The following GET1 variants were observed in gnomAD, a reference collection of about 807,000 sequenced individuals.
GET1 encodes the protein guided entry of tail-anchored proteins factor 1.
A neutral mutation model predicts 22.6 loss-of-function variants in GET1; 20 were observed. The observed-to-expected ratio is 0.89, with a 90% CI of 0.62 to 1.29. The LOEUF is 1.29. GET1 is among the 50% of genes most tolerant of loss of function. The pLI, the probability that GET1 is intolerant of heterozygous loss-of-function variation, is 0.00. For synonymous variants in GET1, 92 were observed against 83.8 expected, an observed-to-expected ratio of 1.10 and a Z score of -0.53; for missense variants, 209 against 219.9, an observed-to-expected ratio of 0.95 and a Z score of 0.31.
At chr21:39,382,574 G>A (rs2037621748) in intron 1 of GET1, among the ~76,000 whole-genome samples, 1 of 152,210 alleles carries the variant, frequency 6.6e-6, no homozygotes, top group South Asian at 2.1e-4. Flanking sequence ...CATCCATGGT[G>A]TATCATGAGT....
chr21:39,400,738 C>T (rs2038818676), downstream of GET1, among the ~76,000 whole-genome samples: 1 of 152,112 alleles, frequency 6.6e-6, no homozygotes, highest in Non-Finnish European at 1.5e-5. Flanking sequence ...CTGCATGCAT[C>T]TTTGGGTTCT....
intron 1 of GET1, chr21:39,387,726 T>C (rs2038009176): frequency 2.1e-6 from 2 of 931,286 alleles, no homozygotes; most frequent in Non-Finnish European, 1.3e-6. Context: ...ACGCAGGCGC[T>C]GGTAGGCGGC....
At chr21:39,394,321 G>C (rs116178690) in intron 4 of GET1, among the ~76,000 whole-genome samples, 2,537 of 152,192 alleles carry the variant, frequency 0.017, 71 homozygotes, top group African/African-American at 0.059. Context: ...GAGAATCTGT[G>C]TCAAATAAAA....
chr21:39,410,926 A>G (rs1247929718), downstream of GET1: 3 of 471,160 alleles, frequency 6.4e-6, no homozygotes, highest in South Asian at 4.6e-5. Flanking sequence ...TACTTCTTCT[A>G]ATAAAACAGA....
chr21:39,419,176 C>T (rs1328110738), intron 1 of GET1, among the ~76,000 whole-genome samples: 2 of 152,086 alleles, frequency 1.3e-5, no homozygotes, highest in Non-Finnish European at 2.9e-5. Context: ...CTTCTCCTGT[C>T]TCTGAGTCAT....
At chr21:39,391,988 G>A (rs1438821831) in intron 3 of GET1, 152 bp downstream of exon 3, 4 of 677,700 alleles carry the variant, frequency 5.9e-6, no homozygotes, top group Non-Finnish European at 1.0e-5. Flanking sequence ...AAACACTCTC[G>A]GTCTCTAAGT....
downstream of GET1, chr21:39,410,224 A>G (rs763938639): frequency 9.9e-6 from 13 of 1,318,660 alleles, no homozygotes; most frequent in Non-Finnish European, 2.2e-6. Context: ...TTGTTAAGAC[A>G]TGTTTAATCA....
In GET1 at chr21:39,397,498, T is replaced by C. The variant is rs2038721445; in HGVS notation, c.*559T>C. On this transcript the variant is annotated 3_prime_UTR_variant, in exon 5 of 5. Transcript: ENST00000649170. ...GTTGAGCAAGAGTTGTATAGTATTA[T>C]CTACTTACTTGAGGCTGTTAATTTT... The C allele has an allele frequency of 6.6e-6, 1 of 152,588 alleles. No individual in the cohort carries two copies. The highest frequency in any genetic ancestry group is 2.4e-5 in the African/African-American group (1 of 41,462). The allele number at this position is 152,588 out of a possible 1,614,324, so 9.5% of individuals were successfully genotyped here.
intron 1 of GET1, among the ~76,000 whole-genome samples, chr21:39,425,180 G>A (rs2074455616): frequency 6.6e-6 from 1 of 152,216 alleles, no homozygotes; most frequent in Non-Finnish European, 1.5e-5. Context: ...TCATTCTGGA[G>A]AGGGAAGGAC....
At chr21:39,414,308 G>C (rs1183497458) in intron 1 of GET1, 4 of 152,222 alleles carry the variant, frequency 2.6e-5, no homozygotes, top group Non-Finnish European at 5.9e-5. Flanking sequence ...ACCGTAGCCT[G>C]GGTGTAAGAC....
At chr21:39,381,152 G>A (rs549591164) in intron 1 of GET1, among the ~76,000 whole-genome samples, 1 of 152,264 alleles carries the variant, frequency 6.6e-6, no homozygotes, top group Admixed American at 6.5e-5. Context: ...TCCACCTAGT[G>A]ACTGGAGGTG....
At chr21:39,398,401 A>G (rs1253990903), downstream of GET1, among the ~76,000 whole-genome samples, 1 of 152,180 alleles carries the variant, frequency 6.6e-6, no homozygotes, top group African/African-American at 2.4e-5. Flanking sequence ...TCATCCGCAT[A>G]CAGTGTCCAT....
At chr21:39,390,548 C>A in intron 1 of GET1, 150 bp from the exon 2 acceptor site, 1 of 999,648 alleles carries the variant, frequency 1.0e-6, no homozygotes, top group Non-Finnish European at 1.4e-6. Context: ...GGAACGTTCA[C>A]GGCCGCAGTT....
chr21:39,397,594 A>G lies in GET1; in HGVS notation c.*655A>G, dbSNP rs2147012673. ...GTTTTGTGCTCAACTTGTGTTTTGT[A>G]TTTAAAGCATTTTGAATGAAGTGTA... On this transcript the variant is annotated 3_prime_UTR_variant, in exon 5 of 5. Coordinates refer to ENST00000649170, the MANE Select transcript of GET1 (RefSeq NM_004627.6). The G allele has an allele frequency of 6.6e-6, 1 of 152,388 alleles. No individual in the cohort carries two copies. Among genetic ancestry groups the G allele is most frequent in the East Asian group, 1.9e-4 (1 of 5,192 alleles). The allele number at this position is 152,388 out of a possible 1,614,324, so 9.4% of individuals were successfully genotyped here. A position where few individuals can be genotyped will look rare whatever the true frequency, so the allele number is the denominator to read the frequency against.
At chr21:39,398,591 G>GT (rs892915585), downstream of GET1, among the ~76,000 whole-genome samples, 1 of 146,734 alleles carries the variant, frequency 6.8e-6, no homozygotes, top group Non-Finnish European at 1.5e-5. Context: ...ACATTATTGT[G>GT]TTTTTTTAGA....
chr21:39,405,480 C>A (rs2038991906), intron 4 of GET1, among the ~76,000 whole-genome samples: 1 of 152,194 alleles, frequency 6.6e-6, no homozygotes, highest in African/African-American at 2.4e-5. Context: ...AGGCAAGAAC[C>A]ACTGCATCTG....
intron 3 of GET1, 106 bp downstream of exon 3, chr21:39,391,942 CTGTCG>C: frequency 9.1e-7 from 1 of 1,095,010 alleles, no homozygotes; most frequent in Non-Finnish European, 1.4e-6. Flanking sequence ...CCACCTTCAG[CTGTCG>C]TGTCGTGTGT....
chr21:39,405,905 C>T (rs1230858696), intron 4 of GET1: 1 of 1,587,182 alleles, frequency 6.3e-7, no homozygotes, highest in Non-Finnish European at 8.6e-7. Flanking sequence ...TTTCTTTTTC[C>T]TTCTGTAGGT....
In GET1 at chr21:39,380,473, C is replaced by T; in HGVS notation, c.89C>T (p.Ser30Phe). ...GCNVLRILLP[S>F]FSSFMSRVLQ... is the part of the protein sequence containing the mutation. ...AATGTTCTTAGGATCCTCCTCCCGT[C>T]CTTCTCATCCTTCGTAAGTGGCTGC... The change falls in exon 1 of 5, where the codon TCC becomes TTC. Residue 30 changes from serine (S) to phenylalanine (F), a missense_variant. Coordinates refer to ENST00000649170, the MANE Select transcript of GET1 (RefSeq NM_004627.6). The T allele has an allele frequency of 6.2e-7, 1 of 1,611,958 alleles. No individual in the cohort carries two copies. The highest frequency in any genetic ancestry group is 8.5e-7 in the Non-Finnish European group (1 of 1,179,014).
Sources: allele counts gnomAD v4.1 joint callset (sites outside exome capture counted in the v4.1 genomes callset), GRCh38; gene constraint gnomAD v4.1.1; transcripts MANE v1.5; gene names NCBI Gene and HGNC (gene_info 2026-07-23, HGNC 2026-07-21).